Variants in CRYBG2 observed in about 807,000 individuals in gnomAD.
CRYBG2 encodes the protein crystallin beta-gamma domain containing 2.
A neutral mutation model predicts 153.4 loss-of-function variants in CRYBG2; 106 were observed. The ratio of observed to expected loss-of-function variants is 0.69; its 90% CI spans 0.59 to 0.81. The LOEUF (loss-of-function observed/expected upper bound fraction) is 0.81. Among genes scored for constraint, CRYBG2 ranks in the 30% least tolerant of loss-of-function variants. The probability of loss-of-function intolerance (pLI) is 0.00; values close to 1 mark genes in which losing one functional copy is unlikely to be tolerated. For synonymous variants in CRYBG2, 851 were observed against 877.8 expected, an observed-to-expected ratio of 0.97 and a Z score of 0.54; for missense variants, 1,996 against 2,112.0, an observed-to-expected ratio of 0.95 and a Z score of 1.08.
At chr1:26,334,963 A>C (rs2074037384) in intron 14 of CRYBG2, among the ~76,000 whole-genome samples, 1 of 150,752 alleles carries the variant, frequency 6.6e-6, no homozygotes, top group South Asian at 2.1e-4. Flanking sequence ...ACAAACAAAA[A>C]ACAGGAAACT....
At chr1:26,339,975 G>T (rs74061114) in intron 5 of CRYBG2, among the ~76,000 whole-genome samples, 1 of 152,162 alleles carries the variant, frequency 6.6e-6, no homozygotes, top group Non-Finnish European at 1.5e-5. Flanking sequence ...AGAAGTTCCC[G>T]GGAGAACCTG....
At chr1:26,328,630 A>G in intron 16 of CRYBG2, 104 bp downstream of exon 16, 1 of 1,469,132 alleles carries the variant, frequency 6.8e-7, no homozygotes, top group South Asian at 1.3e-5. Flanking sequence ...GGAGTGGGGG[A>G]AAAGTGGGGA....
At chr1:26,352,217 C>T (rs1003517102) in intron 1 of CRYBG2, among the ~76,000 whole-genome samples, 4 of 152,052 alleles carry the variant, frequency 2.6e-5, no homozygotes, top group South Asian at 2.1e-4. Flanking sequence ...AGACAGATAC[C>T]GACACAGACC....
Position 26,345,849 on chromosome 1 carries a change from ACTGTGCTGCCCAGAC to A in CRYBG2, c.794_808del (p.Gly265_Thr269del). On this transcript the variant is annotated inframe_deletion, in exon 2 of 20. Coordinates refer to ENST00000308182, the MANE Select transcript of CRYBG2 (RefSeq NM_001039775.4). ...AGGCAGCTGCCTCAAGGCTGCCCCC[ACTGTGCTGCCCAGAC>A]CTGTGCTCCTTGGCCCGCCAGCCGT... The A allele has an allele frequency of 6.3e-7, 1 of 1,596,786 alleles. No homozygotes were observed. Among genetic ancestry groups the A allele is most frequent in the Non-Finnish European group, 8.5e-7 (1 of 1,179,272 alleles).
chr1:26,336,493 C>A lies in CRYBG2; in HGVS notation c.4038+113G>T. ...GGCCCCGCCCCCTTCTAAGGCCCCG[C>A]CCCAAGCGCCCAGGCAGGTCCTCCA... is the stretch of plus-strand genomic sequence containing the variant. On this transcript the variant is annotated intron_variant, in intron 12 of 19. Coordinates refer to ENST00000308182, the MANE Select transcript of CRYBG2 (RefSeq NM_001039775.4). The surrounding 1 kb of genome is among the most constrained non-coding windows in gnomAD (Gnocchi z 4.9). 6.5e-7 allele frequency: 1 copy of A among 1,547,276 alleles called. No individual in the cohort carries two copies. The highest frequency in any genetic ancestry group is 8.7e-7 in the Non-Finnish European group (1 of 1,144,660).
chr1:26,350,776 G>C (rs751687020), intron 1 of CRYBG2, among the ~76,000 whole-genome samples: 1 of 152,040 alleles, frequency 6.6e-6, no homozygotes, highest in Non-Finnish European at 1.5e-5. Flanking sequence ...GAACCCCAGA[G>C]AGGCCAGCCT....
chr1:26,345,706 C>A lies in CRYBG2; in HGVS notation c.952G>T (p.Gly318Cys). The A allele has an allele frequency of 6.3e-7, 1 of 1,597,940 alleles. No homozygotes were observed. Among genetic ancestry groups the A allele is most frequent in the South Asian group, 1.1e-5 (1 of 90,956 alleles). The change falls in exon 2 of 20, where the codon GGC (glycine) becomes TGC (cysteine). Residue 318 changes from glycine to cysteine, a missense_variant. Coordinates refer to ENST00000308182, the MANE Select transcript of CRYBG2 (RefSeq NM_001039775.4). Reference sequence around the variant, plus strand: ...CAGGCCCTGGCATCCGGGGCTCTGCCCTGGTCTCTGTCCGGACAGGCTGCA... The same window carrying A: ...CAGGCCCTGGCATCCGGGGCTCTGCACTGGTCTCTGTCCGGACAGGCTGCA... ...APAACPDRDQ[G>C]RAPDARACEL...
At chr1:26,337,449 C>T in intron 9 of CRYBG2, 70 bp from the exon 10 acceptor site, 5 of 1,600,558 alleles carry the variant, frequency 3.1e-6, no homozygotes, top group East Asian at 2.2e-5. Flanking sequence ...AGACAGCTGT[C>T]CCCACCCCTA....
At chr1:26,332,353 G>A (rs907452671) in intron 14 of CRYBG2, among the ~76,000 whole-genome samples, 1 of 150,958 alleles carries the variant, frequency 6.6e-6, no homozygotes, top group East Asian at 1.9e-4. Flanking sequence ...TAATGCAGCA[G>A]TTAAGTGGAA....
rs751357438 is a variant in CRYBG2 at position 26,345,941 on chromosome 1, A to T, written c.717T>A (p.Ser239Arg). The change falls in exon 2 of 20, where the codon AGT becomes AGA. Residue 239 changes from serine (S) to arginine (R), a missense_variant. By Grantham distance (110) the Ser-to-Arg change is moderately radical (BLOSUM62 -1). Coordinates refer to ENST00000308182, the MANE Select transcript of CRYBG2 (RefSeq NM_001039775.4). ...GGCTGTGCCCAGCAGGCACGAGGTTACTTAGCACTTTCACGGCCTGGCTGC... is the reference window on the plus strand; with the variant it reads ...GGCTGTGCCCAGCAGGCACGAGGTTTCTTAGCACTTTCACGGCCTGGCTGC... ...PSRSQAVKVLSNLVPAGHSPP... is the reference protein window; with the variant it reads ...PSRSQAVKVLRNLVPAGHSPP... The T allele has an allele frequency of 1.9e-6, 3 of 1,595,396 alleles. No homozygotes were observed. The highest frequency in any genetic ancestry group is 8.5e-7 in the Non-Finnish European group (1 of 1,177,906).
At chr1:26,347,135 A>G (rs1475625140) in intron 1 of CRYBG2, among the ~76,000 whole-genome samples, 1 of 152,148 alleles carries the variant, frequency 6.6e-6, no homozygotes, top group Non-Finnish European at 1.5e-5. Flanking sequence ...AACTCTGTTC[A>G]GGGAAGATGG....
intron 5 of CRYBG2, 107 bp from the exon 6 acceptor site, chr1:26,339,536 T>G: frequency 7.9e-7 from 1 of 1,263,242 alleles, no homozygotes; most frequent in South Asian, 1.3e-5. Context: ...TCACCTGAGG[T>G]CAGCAGTTCG....
At chr1:26,337,208 G>C (rs567011367) in intron 10 of CRYBG2, 45 bp downstream of exon 10, 1 of 1,611,114 alleles carries the variant, frequency 6.2e-7, no homozygotes, top group East Asian at 2.2e-5. Context: ...GGGGAGGTCT[G>C]GCTGTGGCCA....
chr1:26,347,705 T>C (rs2074241323), intron 1 of CRYBG2, among the ~76,000 whole-genome samples: 1 of 152,082 alleles, frequency 6.6e-6, no homozygotes, highest in Non-Finnish European at 1.5e-5. Flanking sequence ...TTAGCCAGGA[T>C]GGTCTTGATC....
rs774717228 is a variant in CRYBG2 at position 26,345,914 on chromosome 1, G to A, written c.744C>T (p.Pro248=). 1 of 1,597,148 alleles carries A rather than the reference G, an allele frequency of 6.3e-7. No individual in the cohort carries two copies. The highest frequency in any genetic ancestry group is 8.5e-7 in the Non-Finnish European group (1 of 1,179,124). ...LSNLVPAGHS[P]PASHLPRPTA... is the part of the protein sequence containing the mutation. ...TGGGCCTGGGCAGGTGACTGGCAGG[G>A]GGGCTGTGCCCAGCAGGCACGAGGT... Residue 248 remains proline (P), a synonymous_variant, in exon 2 of 20, where the codon CCC becomes CCT. Coordinates refer to ENST00000308182, the MANE Select transcript of CRYBG2 (RefSeq NM_001039775.4).
chr1:26,331,594 G>A lies in CRYBG2; in HGVS notation c.4209C>T (p.Asn1403=), dbSNP rs1484728601. The change falls in exon 15 of 20, where the codon AAC becomes AAT. Residue 1403 remains asparagine (N), a synonymous_variant. Transcript: ENST00000308182. The stretch of plus-strand genomic sequence containing the variant: ...AGAGAATGTGCTGGTCACCCTCGAA[G>A]TTCGTCTCATCAAACAGGATCCAGC... ...GGSWILFDET[N]FEGDQHILSE... The A allele has an allele frequency of 6.2e-7, 1 of 1,614,064 alleles. No homozygotes were observed. The highest frequency in any genetic ancestry group is 1.7e-5 in the Admixed American group (1 of 60,032).
At position 26,345,735 on chromosome 1, in the gene CRYBG2, G is replaced by A. The variant is rs1431153261; in HGVS notation, c.923C>T (p.Ala308Val). The change falls in exon 2 of 20, where the codon GCC becomes GTC. Residue 308 changes from alanine (A) to valine (V), a missense_variant. Physicochemically the swap from Ala to Val is moderately conservative, Grantham distance 64. Transcript: ENST00000308182. The stretch of plus-strand genomic sequence containing the variant: ...GTCTCTGTCCGGACAGGCTGCAGGG[G>A]CATCCTGATTCTTAGGCAGGTGAGC... ...ASAHLPKNQD[A>V]PAACPDRDQG... is the part of the protein sequence containing the mutation. 1 of 1,597,094 alleles carries A rather than the reference G, an allele frequency of 6.3e-7. No homozygotes were observed. The highest frequency in any genetic ancestry group is 8.5e-7 in the Non-Finnish European group (1 of 1,178,918).
At chr1:26,349,434 T>A (rs886162837) in intron 1 of CRYBG2, among the ~76,000 whole-genome samples, 1 of 152,164 alleles carries the variant, frequency 6.6e-6, no homozygotes, top group African/African-American at 2.4e-5. Context: ...CTCTGGGGCA[T>A]GTCCAGCTGC....
At chr1:26,327,409 A>G (rs1282226602) in intron 17 of CRYBG2, among the ~76,000 whole-genome samples, 1 of 152,126 alleles carries the variant, frequency 6.6e-6, no homozygotes, top group African/African-American at 2.4e-5. Flanking sequence ...CAGAGGTTGC[A>G]GTGAGCCGAG....
Sources: gnomAD v4.1 joint callset for allele counts (sites outside exome capture counted in the v4.1 genomes callset) on GRCh38, gnomAD v4.1.1 for gene constraint, Gnocchi (gnomAD v3.1) non-coding constraint, MANE v1.5 for transcripts, NCBI Gene and HGNC (gene_info 2026-07-23, HGNC 2026-07-21) for gene names.